ESS2: variants seen among roughly 807,000 people sequenced by gnomAD.
ESS2 encodes ess-2 spliceosome associated protein, also known as splicing factor ESS-2 homolog.
In ESS2, 31 loss-of-function variants were observed where a neutral mutation model predicts 52.0. The observed-to-expected ratio is 0.60, with a 90% CI of 0.45 to 0.81. The LOEUF (loss-of-function observed/expected upper bound fraction) is 0.81, where lower values mean the gene tolerates loss of function less well. Ranked by LOEUF, ESS2 falls within the 30% of genes least tolerant of loss-of-function variation. The probability of loss-of-function intolerance (pLI) is 0.00; values close to 1 mark genes in which losing one functional copy is unlikely to be tolerated. For missense variants in ESS2, 602 were observed against 637.2 expected (o/e 0.94, Z 0.59); for synonymous variants, 285 against 259.2 (o/e 1.10, Z -0.95).
In ESS2 at chr22:19,139,835, A is replaced by ACCC; in HGVS notation, c.570+17_570+19dup. 1 of 1,613,560 alleles carries ACCC rather than the reference A, an allele frequency of 6.2e-7. No homozygotes were observed. The highest frequency in any genetic ancestry group is 1.7e-5 in the Admixed American group (1 of 59,970). ...CAGAGGGTGCCTACGCCTATGTGACACCCCAGACCCCAGAGACACCTTCTC... is the reference window on the plus strand; with the variant it reads ...CAGAGGGTGCCTACGCCTATGTGACACCCCCCCAGACCCCAGAGACACCTTCTC... On this transcript the variant is annotated intron_variant, in intron 4 of 9. Transcript: ENST00000252137.
In ESS2 at chr22:19,132,276, TA is replaced by T; in HGVS notation, c.*1919del. On this transcript the variant is annotated 3_prime_UTR_variant, in exon 10 of 10. Transcript: ENST00000252137. This position sits in a 1 kb window ranked among gnomAD's most constrained non-coding sequence, Gnocchi z 4.2. ...CTTCAAGAGGGAGGGGGAGGGCAAG[TA>T]CCGCGCTGAGTGCAAACTGGACACC... 6.2e-7 allele frequency: 1 copy of T among 1,613,394 alleles called. No individual in the cohort carries two copies. The highest frequency in any genetic ancestry group is 8.5e-7 in the Non-Finnish European group (1 of 1,179,934).
chr22:19,138,838 C>T (rs2083631973), intron 6 of ESS2, among the ~76,000 whole-genome samples: 1 of 152,220 alleles, frequency 6.6e-6, no homozygotes, highest in African/African-American at 2.4e-5. Flanking sequence ...TGGGCTCCCT[C>T]TGCGGCTCTC....
chr22:19,142,712 C>A lies in ESS2; in HGVS notation c.304+14G>T, dbSNP rs374291274. Reference sequence around the variant, plus strand: ...CAGGCTTTCCCCTCTCCGCCACCCACAGGGTCCTCATACAGGGTGGCGGGG... The same window carrying A: ...CAGGCTTTCCCCTCTCCGCCACCCAAAGGGTCCTCATACAGGGTGGCGGGG... On this transcript the variant is annotated intron_variant, in intron 2 of 9. Transcript: ENST00000252137. The A allele has an allele frequency of 2.7e-5, 44 of 1,612,166 alleles. No homozygotes were observed. In the Admixed American group the frequency reaches 3.3e-4, roughly 12 times the overall value.
chr22:19,137,353 G>A lies in ESS2; in HGVS notation c.1005C>T (p.Tyr335=), dbSNP rs3765610. The A allele has an allele frequency of 0.012, 19,461 of 1,613,622 alleles. 776 individuals carry two copies. The highest frequency in any genetic ancestry group is 0.082 in the Admixed American group (4,904 of 59,932). Residue 335 remains tyrosine (Y), a synonymous_variant, in exon 8 of 10, where the codon TAC becomes TAT. Transcript: ENST00000252137. Reference sequence around the variant, plus strand: ...AAGCTGGGCCGGGTGTCCTGTCCACGTAGGGCGTTTCCGACCCTTCAACTC... The same window carrying A: ...AAGCTGGGCCGGGTGTCCTGTCCACATAGGGCGTTTCCGACCCTTCAACTC... ...PLRVEGSETP[Y]VDRTPGPAFK...
In ESS2 at chr22:19,134,184, C is replaced by T. The variant is rs935290019; in HGVS notation, c.*12G>A. 2 of 1,505,286 alleles carry T rather than the reference C, an allele frequency of 1.3e-6. No individual in the cohort carries two copies. Among genetic ancestry groups the T allele is most frequent in the Admixed American group, 2.2e-5 (1 of 44,766 alleles). The allele number at this position is 1,505,286 out of a possible 1,614,324, so 93.2% of individuals were successfully genotyped here. A position where few individuals can be genotyped will look rare whatever the true frequency, so the allele number is the denominator to read the frequency against. On this transcript the variant is annotated 3_prime_UTR_variant, in exon 10 of 10. Coordinates refer to ENST00000252137, the MANE Select transcript of ESS2 (RefSeq NM_022719.3). ...TCTGTGAAGCGTCTATGAGCCCAGC[C>T]CAGGCCTGGCTCTAAAAGAAGTCCG...
At chr22:19,137,560 TC>T in intron 7 of ESS2, 128 bp from the exon 8 acceptor site, 1 of 913,980 alleles carries the variant, frequency 1.1e-6, no homozygotes, top group Non-Finnish European at 1.6e-6. Flanking sequence ...CCTCTCTCCT[TC>T]CCCAGGACTC....
chr22:19,141,865 T>A (rs1434596971), intron 3 of ESS2, among the ~76,000 whole-genome samples: 1 of 152,136 alleles, frequency 6.6e-6, no homozygotes, highest in East Asian at 1.9e-4. Context: ...GGCAGGCGCC[T>A]GTAATCCCAG....
At position 19,140,169 on chromosome 22, in the gene ESS2, C is replaced by T. The variant is rs544449890; in HGVS notation, c.401-145G>A. 8 of 1,008,052 alleles carry T rather than the reference C, an allele frequency of 7.9e-6. No homozygotes were observed. In the Admixed American group the frequency reaches 1.5e-4, roughly 19 times the overall value. The allele number at this position is 1,008,052 out of a possible 1,614,324, so 62.4% of individuals were successfully genotyped here. A position where few individuals can be genotyped will look rare whatever the true frequency, so the allele number is the denominator to read the frequency against. ...TGGCTTCTGCCCATGAAAGCCCACA[C>T]TGCCAAGGACTCCCCACGGGGGCAG... On this transcript the variant is annotated intron_variant, in intron 3 of 9. Coordinates refer to ENST00000252137, the MANE Select transcript of ESS2 (RefSeq NM_022719.3).
In ESS2 at chr22:19,134,381, C is replaced by T; in HGVS notation, c.1246G>A (p.Ala416Thr). The change falls in exon 10 of 10, where the codon GCC becomes ACC. Residue 416 changes from alanine to threonine, a missense_variant. Coordinates refer to ENST00000252137, the MANE Select transcript of ESS2 (RefSeq NM_022719.3). ...ASKYTDRALR[A>T]SYTPSPARST... The stretch of plus-strand genomic sequence containing the variant: ...CGTGCTGGGGATGGTGTGTAGCTGG[C>T]CCGCAGGGCCCGGTCTGTGTACTTG... The T allele has an allele frequency of 1.2e-6, 2 of 1,611,674 alleles. No homozygotes were observed. Among genetic ancestry groups the T allele is most frequent in the Non-Finnish European group, 1.7e-6 (2 of 1,179,126 alleles).
intron 8 of ESS2, among the ~76,000 whole-genome samples, chr22:19,136,083 T>C (rs190395763): frequency 7.0e-6 from 1 of 142,836 alleles, no homozygotes; most frequent in African/African-American, 2.6e-5. Context: ...CTCACGCCTG[T>C]AATCCCAGCA....
chr22:19,134,565 G>A, intron 9 of ESS2, 90 bp from the exon 10 acceptor site: 1 of 1,340,086 alleles, frequency 7.5e-7, no homozygotes, highest in Non-Finnish European at 1.0e-6. Context: ...GGAAGAGCCT[G>A]GGCAGAGACA....
chr22:19,130,531 G>C lies in ESS2; in HGVS notation c.*3665C>G, dbSNP rs1245638225. The C allele has an allele frequency of 2.4e-6, 1 of 422,736 alleles. No homozygotes were observed. The highest frequency in any genetic ancestry group is 4.6e-6 in the Non-Finnish European group (1 of 217,460). The allele number at this position is 422,736 out of a possible 1,614,324, so 26.2% of individuals were successfully genotyped here. ...GTGCCTTCAAGGCCTGTCTACTGTGGTACCGGAGTGATTATTTCGATTGTA... is the reference window on the plus strand; with the variant it reads ...GTGCCTTCAAGGCCTGTCTACTGTGCTACCGGAGTGATTATTTCGATTGTA... On this transcript the variant is annotated 3_prime_UTR_variant, in exon 10 of 10. Transcript: ENST00000252137.
intron 8 of ESS2, among the ~76,000 whole-genome samples, chr22:19,135,412 C>G (rs527978143): frequency 6.6e-6 from 1 of 152,356 alleles, no homozygotes; most frequent in Admixed American, 6.5e-5. Flanking sequence ...CTCTGACAAT[C>G]TCTCAGGAAA....
At chr22:19,138,085 A>C (rs1030223059) in intron 7 of ESS2, 130 bp downstream of exon 7, 16 of 1,504,146 alleles carry the variant, frequency 1.1e-5, no homozygotes, top group Non-Finnish European at 1.4e-5. Flanking sequence ...ACAGGAGACC[A>C]GGTCCCTGAG....
At chr22:19,144,339 A>C in intron 1 of ESS2, 167 bp downstream of exon 1, 1 of 1,430,446 alleles carries the variant, frequency 7.0e-7, no homozygotes, top group Non-Finnish European at 9.2e-7. Context: ...CTCTTCCACC[A>C]CAGACGTCTT....
intron 8 of ESS2, among the ~76,000 whole-genome samples, chr22:19,136,891 C>T (rs984386008): frequency 6.6e-6 from 1 of 152,120 alleles, no homozygotes; most frequent in Admixed American, 6.5e-5. Context: ...TGTGCCGGGC[C>T]TCACACACTC....
chr22:19,143,577 G>A (rs964853181), intron 1 of ESS2, among the ~76,000 whole-genome samples: 2 of 152,040 alleles, frequency 1.3e-5, no homozygotes, highest in Admixed American at 6.6e-5. Flanking sequence ...TTCTCCTGGC[G>A]GGGCATGGTA....
chr22:19,139,971 G>A lies in ESS2; in HGVS notation c.454C>T (p.Leu152=). 1 of 1,614,106 alleles carries A rather than the reference G, an allele frequency of 6.2e-7. No individual in the cohort carries two copies. Residue 152 remains leucine, a synonymous_variant, in exon 4 of 10, where the codon CTG becomes TTG. Transcript: ENST00000252137. ...KEPLPSLDVF[L]SRYTSEDNAS... ...TTGTCCTCACTCGTGTAGCGGCTCA[G>A]GAAGACATCTAGGCTGGGCAGCGGC...
At chr22:19,143,936 G>T in intron 1 of ESS2, 1 of 548,400 alleles carries the variant, frequency 1.8e-6, no homozygotes, top group Non-Finnish European at 2.3e-6. Context: ...TCCCAAGTCT[G>T]CACCTCCAGC....
Sources: gnomAD v4.1 joint callset for allele counts (sites outside exome capture counted in the v4.1 genomes callset) on GRCh38, gnomAD v4.1.1 for gene constraint, Gnocchi (gnomAD v3.1) non-coding constraint, MANE v1.5 for transcripts, NCBI Gene and HGNC (gene_info 2026-07-23, HGNC 2026-07-21) for gene names.